ZNF804B: variants seen among roughly 807,000 people sequenced by gnomAD.
The protein encoded by ZNF804B is zinc finger 804B.
ZNF804B carries 80 observed loss-of-function variants against 101.4 expected under a neutral mutation model. The ratio of observed to expected loss-of-function variants is 0.79; its 90% CI spans 0.66 to 0.95. The LOEUF (loss-of-function observed/expected upper bound fraction) is 0.95, where lower values mean the gene tolerates loss of function less well. Among genes scored for constraint, ZNF804B ranks in the 40% least tolerant of loss-of-function variants. The probability of loss-of-function intolerance (pLI) is 0.00; values close to 1 mark genes in which losing one functional copy is unlikely to be tolerated. For synonymous variants in ZNF804B, 622 were observed against 558.8 expected, an observed-to-expected ratio of 1.11 and a Z score of -1.59; for missense variants, 1,673 against 1,561.9, an observed-to-expected ratio of 1.07 and a Z score of -1.20.
At chr7:88,926,452 G>T (rs1026421914) in intron 1 of ZNF804B, among the ~76,000 whole-genome samples, 3 of 143,156 alleles carry the variant, frequency 2.1e-5, no homozygotes, top group Non-Finnish European at 4.5e-5. Context: ...AAAAATAGCC[G>T]GGCGTAGTGG....
At chr7:89,008,239 T>TA (rs1376948469) in intron 1 of ZNF804B, among the ~76,000 whole-genome samples, 11 of 152,102 alleles carry the variant, frequency 7.2e-5, no homozygotes, top group East Asian at 1.9e-4. Flanking sequence ...TCTCTAAAGT[T>TA]AAAAAAAAAT....
At chr7:89,307,380 A>G (rs1375856889) in intron 2 of ZNF804B, among the ~76,000 whole-genome samples, 1 of 152,062 alleles carries the variant, frequency 6.6e-6, no homozygotes, top group African/African-American at 2.4e-5. Context: ...GTTAAACACT[A>G]TCCAAGTTTT....
At chr7:88,953,116 T>A (rs943174291) in intron 1 of ZNF804B, among the ~76,000 whole-genome samples, 5 of 151,788 alleles carry the variant, frequency 3.3e-5, no homozygotes, top group African/African-American at 1.2e-4. Context: ...TTTTATTTCC[T>A]TTATGTTTGT....
At chr7:88,877,049 ATTTTTTTTTTTT>A (rs869097226) in intron 1 of ZNF804B, among the ~76,000 whole-genome samples, 7 of 13,906 alleles carry the variant, frequency 5.0e-4, no homozygotes, top group African/African-American at 2.6e-3. Context: ...ATATATATAT[ATTTTTTTTTTTT>A]TTTTTTTTTT....
chr7:89,017,287 GA>G lies in ZNF804B; in HGVS notation c.109-200867del, dbSNP rs1198003085. ...TACAGTCATGTCATCTGCAAACAGG[GA>G]CAATTTGACTTCCTCTTTTCCTAAT... On this transcript the variant is annotated intron_variant, in intron 1 of 3. Coordinates refer to ENST00000333190, the MANE Select transcript of ZNF804B (RefSeq NM_181646.5). 8.5e-5 allele frequency among the ~76,000 whole-genome samples: 13 copies of G among 152,282 alleles called. No homozygotes were observed. The East Asian group carries it at 2.5e-3, about 29-fold the overall frequency.
intron 1 of ZNF804B, among the ~76,000 whole-genome samples, chr7:88,964,419 G>A (rs899466151): frequency 5.9e-5 from 9 of 151,402 alleles, no homozygotes; most frequent in Non-Finnish European, 4.4e-5. Context: ...GAAGTAAGCT[G>A]CACACAAAAT....
intron 1 of ZNF804B, among the ~76,000 whole-genome samples, chr7:88,938,290 A>G (rs1793002588): frequency 6.6e-6 from 1 of 152,072 alleles, no homozygotes; most frequent in Admixed American, 6.6e-5. Flanking sequence ...TAGAGAAAAT[A>G]GATGACAAGT....
intron 1 of ZNF804B, among the ~76,000 whole-genome samples, chr7:89,149,451 T>C (rs1034024957): frequency 3.9e-5 from 6 of 152,082 alleles, no homozygotes; most frequent in Non-Finnish European, 8.8e-5. Context: ...TATATAAAAT[T>C]GGTTATAAAT....
intron 1 of ZNF804B, among the ~76,000 whole-genome samples, chr7:89,205,639 G>T (rs982744050): frequency 6.6e-6 from 1 of 152,180 alleles, no homozygotes. Flanking sequence ...GATGCCAAAG[G>T]TGGGTTCCCA....
intron 1 of ZNF804B, among the ~76,000 whole-genome samples, chr7:88,781,199 T>C (rs1360517651): frequency 6.6e-6 from 1 of 152,220 alleles, no homozygotes; most frequent in Non-Finnish European, 1.5e-5. Context: ...CACATTATTA[T>C]TGAAGAATAT....
chr7:88,938,667 G>A (rs765089546), intron 1 of ZNF804B, among the ~76,000 whole-genome samples: 4 of 152,116 alleles, frequency 2.6e-5, no homozygotes, highest in African/African-American at 9.6e-5. Context: ...TCTAAAAAAT[G>A]AATGATGGTT....
rs548126992 is a variant in ZNF804B at position 88,852,440 on chromosome 7, T to C, written c.108+92356T>C. On this transcript the variant is annotated intron_variant, in intron 1 of 3. Coordinates refer to ENST00000333190, the MANE Select transcript of ZNF804B (RefSeq NM_181646.5). ...CCTTTGTGTTGCTCAGATAGCCTGA[T>C]TTATGAGTACCCAACAATCACATTG... Among the ~76,000 whole-genome samples, 7 of 152,208 alleles carry C rather than the reference T, an allele frequency of 4.6e-5. No homozygotes were observed. In the South Asian group the frequency reaches 1.2e-3, roughly 27 times the overall value.
chr7:89,043,757 G>T (rs1399199412), intron 1 of ZNF804B, among the ~76,000 whole-genome samples: 3 of 152,082 alleles, frequency 2.0e-5, no homozygotes, highest in Non-Finnish European at 4.4e-5. Flanking sequence ...CTCACTAAAG[G>T]GAAGGTCTTC....
At position 89,152,539 on chromosome 7, in the gene ZNF804B, G is replaced by A. The variant is rs142543220; in HGVS notation, c.109-65616G>A. 1.6e-3 allele frequency among the ~76,000 whole-genome samples: 244 copies of A among 151,974 alleles called. 2 individuals carry two copies. The highest frequency in any genetic ancestry group is 5.5e-3 in the African/African-American group (227 of 41,466). On this transcript the variant is annotated intron_variant, in intron 1 of 3. Coordinates refer to ENST00000333190, the MANE Select transcript of ZNF804B (RefSeq NM_181646.5). Reference sequence around the variant, plus strand: ...TCTATCTGAACATATGCAGAAAGAGGTGTCTAAATAATGTTTGTACATTAT... The same window carrying A: ...TCTATCTGAACATATGCAGAAAGAGATGTCTAAATAATGTTTGTACATTAT...
chr7:88,901,117 T>C (rs1438819598), intron 1 of ZNF804B, among the ~76,000 whole-genome samples: 3 of 151,850 alleles, frequency 2.0e-5, no homozygotes, highest in Non-Finnish European at 3.0e-5. Flanking sequence ...AATTGACTTT[T>C]TTATTCAACA....
chr7:89,062,197 A>G (rs2116283423), intron 1 of ZNF804B, among the ~76,000 whole-genome samples: 1 of 152,264 alleles, frequency 6.6e-6, no homozygotes, highest in South Asian at 2.1e-4. Flanking sequence ...TGCCACTCAC[A>G]TACTTAGAAA....
chr7:89,111,981 G>C (rs1790224389), intron 1 of ZNF804B, among the ~76,000 whole-genome samples: 1 of 151,700 alleles, frequency 6.6e-6, no homozygotes, highest in African/African-American at 2.4e-5. Context: ...GGGCGTGCCT[G>C]TAGTCCCACA....
intron 1 of ZNF804B, among the ~76,000 whole-genome samples, chr7:88,875,999 G>A (rs1413128854): frequency 2.0e-5 from 3 of 152,134 alleles, no homozygotes; most frequent in African/African-American, 7.2e-5. Flanking sequence ...TGCAAGGCTG[G>A]TTCAATATAT....
chr7:88,834,643 C>T (rs1421206460), intron 1 of ZNF804B, among the ~76,000 whole-genome samples: 1 of 142,884 alleles, frequency 7.0e-6, no homozygotes, highest in East Asian at 2.2e-4. Flanking sequence ...GAACTATACG[C>T]TCACTTTGTG....
Sources: allele counts gnomAD v4.1 joint callset (sites outside exome capture counted in the v4.1 genomes callset), GRCh38; gene constraint gnomAD v4.1.1; transcripts MANE v1.5; gene names NCBI Gene and HGNC (gene_info 2026-07-23, HGNC 2026-07-21).